WNK2: variants seen among roughly 807,000 people sequenced by gnomAD.
WNK2 encodes the protein serine/threonine-protein kinase WNK2.
In WNK2, 67 loss-of-function variants were observed where a neutral mutation model predicts 192.1. The observed-to-expected ratio is 0.35, with a 90% confidence interval of 0.29 to 0.43. WNK2 has a LOEUF of 0.43. WNK2 is among the 20% of genes least tolerant of loss of function. WNK2 has a pLI of 1.00. For synonymous variants in WNK2, 1,439 were observed against 1,393.9 expected (o/e 1.03, Z -0.72); for missense variants, 2,698 against 3,089.7 (o/e 0.87, Z 3.01).
chr9:93,274,470 C>T (rs1846446540), intron 19 of WNK2, among the ~76,000 whole-genome samples: 6 of 149,224 alleles, frequency 4.0e-5, no homozygotes, highest in Admixed American at 4.0e-4. Context: ...CGAGATCGTG[C>T]CACTGCACTC....
Position 93,261,703 on chromosome 9 carries a change from G to T in WNK2, c.3067-111G>T, listed in dbSNP as rs114734427. 3.1e-6 allele frequency: 4 copies of T among 1,297,554 alleles called. No individual in the cohort carries two copies. In the African/African-American group the frequency reaches 5.9e-5, roughly 19 times the overall value. The allele number at this position is 1,297,554 out of a possible 1,614,324, so 80.4% of individuals were successfully genotyped here. A position where few individuals can be genotyped will look rare whatever the true frequency, so the allele number is the denominator to read the frequency against. ...ACTCCCCTTGGGGAGGGTGTGGTCT[G>T]GAGAGGGGTGTTCCCATCTCGGCCT... On this transcript the variant is annotated intron_variant, in intron 12 of 29. Transcript: ENST00000427277.
intron 19 of WNK2, among the ~76,000 whole-genome samples, chr9:93,272,263 A>C (rs370197913): frequency 1.3e-5 from 2 of 152,108 alleles, no homozygotes; most frequent in East Asian, 3.9e-4. Context: ...CAATTGAAGT[A>C]AAAAAAAGAT....
chr9:93,224,147 G>C (rs1837417269), intron 2 of WNK2, among the ~76,000 whole-genome samples: 1 of 152,218 alleles, frequency 6.6e-6, no homozygotes, highest in African/African-American at 2.4e-5. Context: ...TCGGGGCTCA[G>C]CCTCACTGGT....
intron 26 of WNK2, 101 bp from the exon 27 acceptor site, chr9:93,306,676 T>A (rs915612940): frequency 1.4e-6 from 2 of 1,452,798 alleles, no homozygotes; most frequent in Admixed American, 3.4e-5. Context: ...TGTCTGCCCC[T>A]CCCTGCACAC....
chr9:93,291,640 G>T (rs537653103), intron 21 of WNK2, among the ~76,000 whole-genome samples: 1 of 152,286 alleles, frequency 6.6e-6, no homozygotes, highest in Admixed American at 6.5e-5. Flanking sequence ...GTGTACATGT[G>T]CGGGCGGCCC....
chr9:93,196,975 T>C (rs2131139443), intron 2 of WNK2, among the ~76,000 whole-genome samples: 1 of 152,278 alleles, frequency 6.6e-6, no homozygotes, highest in East Asian at 1.9e-4. Flanking sequence ...CACCCAGGCA[T>C]CTGTGGGCCC....
At chr9:93,193,105 G>A (rs1187897836) in intron 2 of WNK2, among the ~76,000 whole-genome samples, 2 of 152,192 alleles carry the variant, frequency 1.3e-5, no homozygotes, top group African/African-American at 4.8e-5. Context: ...AGCCGTGATG[G>A]GGCATCAGCA....
chr9:93,265,319 C>T (rs1288302809), intron 16 of WNK2, among the ~76,000 whole-genome samples: 1 of 152,112 alleles, frequency 6.6e-6, no homozygotes, highest in Non-Finnish European at 1.5e-5. Context: ...CTGGAGAAAC[C>T]CTCGTAACAG....
rs1841956099 is a variant in WNK2, at chr9:93,247,641, G to T, written c.1641G>T (p.Trp547Cys). ...ALIQWRRERI[W>C]PALQPKEQQD... ...TCCAGTGGCGGCGGGAGAGGATCTG[G>T]CCCGCGCTGCAGCCCAAGGAGCAGC... The change falls in exon 8 of 30, where the codon TGG becomes TGT. Residue 547 changes from tryptophan to cysteine, a missense_variant. Around this residue, in one of 7 missense-constraint regions of WNK2, gnomAD observed 230 missense variants for 501.1 expected, o/e 0.46. Transcript: ENST00000427277. The surrounding 1 kb of genome is among the most constrained non-coding windows in gnomAD (Gnocchi z 5.2). The T allele has an allele frequency of 6.3e-7, 1 of 1,588,448 alleles. No individual in the cohort carries two copies. The highest frequency in any genetic ancestry group is 1.1e-5 in the South Asian group (1 of 87,210).
chr9:93,239,684 C>T lies in WNK2; in HGVS notation c.1323-73C>T, dbSNP rs997222712. 80 of 1,358,752 alleles carry T rather than the reference C, an allele frequency of 5.9e-5. No individual in the cohort carries two copies. Among genetic ancestry groups the T allele is most frequent in the Admixed American group, 2.9e-4 (14 of 48,122 alleles). 84.2% of individuals were successfully genotyped at this position (1,358,752 alleles called of 1,614,324 possible). A position where few individuals can be genotyped will look rare whatever the true frequency, so the allele number is the denominator to read the frequency against. The stretch of plus-strand genomic sequence containing the variant: ...AGGTGTGCCTGTCCTTGTCCTGGTG[C>T]GCATGGACACAGGAGCCTGGGCATG... On this transcript the variant is annotated intron_variant, in intron 6 of 29. Transcript: ENST00000427277. The surrounding 1 kb of genome is among the most constrained non-coding windows in gnomAD (Gnocchi z 4.2).
At chr9:93,195,409 C>T (rs1831056708) in intron 2 of WNK2, among the ~76,000 whole-genome samples, 1 of 152,006 alleles carries the variant, frequency 6.6e-6, no homozygotes, top group Non-Finnish European at 1.5e-5. Flanking sequence ...AAGATGTTTG[C>T]AGAAATGGGC....
At chr9:93,206,353 G>C (rs1833382028) in intron 2 of WNK2, among the ~76,000 whole-genome samples, 1 of 152,190 alleles carries the variant, frequency 6.6e-6, no homozygotes, top group Non-Finnish European at 1.5e-5. Flanking sequence ...TAGGGTGCTG[G>C]GGGAAACCCC....
chr9:93,277,190 C>T (rs1179289905), intron 19 of WNK2, among the ~76,000 whole-genome samples: 1 of 152,200 alleles, frequency 6.6e-6, no homozygotes, highest in Non-Finnish European at 1.5e-5. Context: ...CATCACTGCA[C>T]ACCTGTTAGA....
rs180954906 is a variant in WNK2 at position 93,277,928 on chromosome 9, G to A, written c.4033+9182G>A. The stretch of plus-strand genomic sequence containing the variant: ...AAGATAGCATAAAAGAGAAGCAGCA[G>A]AAACCACCAACAATAAAAAGGGCCC... On this transcript the variant is annotated intron_variant, in intron 19 of 29. Coordinates refer to ENST00000427277, the MANE Select transcript of WNK2 (RefSeq NM_006648.4). Among the ~76,000 whole-genome samples the A allele has an allele frequency of 4.2e-3, 638 of 152,252 alleles. 3 individuals carry two copies. Among genetic ancestry groups the A allele is most frequent in the Middle Eastern group, 0.01 (3 of 294 alleles).
chr9:93,319,876 G>A (rs911912364), intron 29 of WNK2, among the ~76,000 whole-genome samples: 2 of 152,178 alleles, frequency 1.3e-5, no homozygotes, highest in African/African-American at 2.4e-5. Flanking sequence ...AGACAGCCTC[G>A]AGCTGACTGT....
intron 2 of WNK2, among the ~76,000 whole-genome samples, chr9:93,217,296 A>T (rs4744194): frequency 0.098 from 14,941 of 152,244 alleles, 941 homozygotes; most frequent in Middle Eastern, 0.15. Flanking sequence ...GCTGCCACGT[A>T]CTGTGCACTT....
intron 4 of WNK2, among the ~76,000 whole-genome samples, chr9:93,234,029 G>A (rs1028518435): frequency 3.3e-5 from 5 of 152,100 alleles, no homozygotes; most frequent in African/African-American, 7.2e-5. Flanking sequence ...ATCAGCCCTC[G>A]CCCCCTGCAG....
intron 2 of WNK2, among the ~76,000 whole-genome samples, chr9:93,209,471 C>T (rs1834092454): frequency 6.6e-6 from 1 of 152,220 alleles, no homozygotes; most frequent in Non-Finnish European, 1.5e-5. Flanking sequence ...CCTCAGTCCC[C>T]TCTCCCTCAC....
chr9:93,318,394 G>A, intron 29 of WNK2: 1 of 1,614,006 alleles, frequency 6.2e-7, no homozygotes, highest in Non-Finnish European at 8.5e-7. Flanking sequence ...CCGGTTCCCT[G>A]GGCTCATCCA....
Sources: allele counts gnomAD v4.1 joint callset (sites outside exome capture counted in the v4.1 genomes callset), GRCh38; gene constraint gnomAD v4.1.1; regional missense constraint gnomAD v4.1.1; non-coding constraint Gnocchi (gnomAD v3.1); transcripts MANE v1.5; gene names NCBI Gene and HGNC (gene_info 2026-07-23, HGNC 2026-07-21).